FAM210A: variants seen among roughly 807,000 people sequenced by gnomAD.
FAM210A encodes the protein mitochondrial inner membrane scaffold 1, also known as family with sequence similarity 210 member A.
FAM210A carries 13 observed loss-of-function variants against 25.3 expected under a neutral mutation model. That is an observed-to-expected ratio of 0.51 (90% CI 0.33 to 0.82). The LOEUF (loss-of-function observed/expected upper bound fraction) is 0.82. Among genes scored for constraint, FAM210A ranks in the 40% least tolerant of loss-of-function variants. FAM210A has a pLI of 0.02. For synonymous variants in FAM210A, 125 were observed against 118.7 expected (o/e 1.05, Z -0.35); for missense variants, 319 against 323.2 (o/e 0.99, Z 0.10).
At chr18:13,670,554 TG>T (rs199577268) in intron 3 of FAM210A, among the ~76,000 whole-genome samples, 1,951 of 152,328 alleles carry the variant, frequency 0.013, 43 homozygotes, top group African/African-American at 0.044. Flanking sequence ...CTAGTTTCTG[TG>T]TTTTCAACTT....
At chr18:13,714,771 G>C (rs2043847251) in intron 1 of FAM210A, among the ~76,000 whole-genome samples, 1 of 152,090 alleles carries the variant, frequency 6.6e-6, no homozygotes, top group African/African-American at 2.4e-5. Flanking sequence ...CACCATTAAA[G>C]AGCTACAAAA....
chr18:13,683,294 C>T lies in FAM210A; in HGVS notation c.-28-1189G>A, dbSNP rs73414570. 2.6e-5 allele frequency among the ~76,000 whole-genome samples: 4 copies of T among 152,006 alleles called. No homozygotes were observed. In the East Asian group the frequency reaches 5.8e-4, roughly 22 times the overall value. On this transcript the variant is annotated intron_variant, in intron 1 of 3. Coordinates refer to ENST00000651643, the MANE Select transcript of FAM210A (RefSeq NM_152352.4). ...ATAAATCACTTACGTTATTGAATGG[C>T]GAGAAGAATTGCCTGGTATTTATTT...
At chr18:13,690,087 A>G (rs1236936916) in intron 1 of FAM210A, among the ~76,000 whole-genome samples, 1 of 152,226 alleles carries the variant, frequency 6.6e-6, no homozygotes, top group Non-Finnish European at 1.5e-5. Context: ...CGGCCTTAGC[A>G]AACAGCACAC....
chr18:13,692,543 T>C (rs1168183156), intron 1 of FAM210A, among the ~76,000 whole-genome samples: 4 of 151,474 alleles, frequency 2.6e-5, no homozygotes, highest in Non-Finnish European at 5.9e-5. Flanking sequence ...ACAGAAATTA[T>C]AACAAACTGT....
At chr18:13,708,412 G>A (rs2043796750) in intron 1 of FAM210A, among the ~76,000 whole-genome samples, 1 of 152,180 alleles carries the variant, frequency 6.6e-6, no homozygotes, top group African/African-American at 2.4e-5. Flanking sequence ...TCCAGCCCTA[G>A]CCTTTCCTGG....
intron 1 of FAM210A, among the ~76,000 whole-genome samples, chr18:13,705,545 C>T (rs2043771638): frequency 6.6e-6 from 1 of 152,128 alleles, no homozygotes; most frequent in Non-Finnish European, 1.5e-5. Flanking sequence ...GATCTCGGCC[C>T]ACTGCAACCT....
chr18:13,716,728 C>A (rs1401048525), intron 1 of FAM210A, among the ~76,000 whole-genome samples: 1 of 152,116 alleles, frequency 6.6e-6, no homozygotes, highest in Non-Finnish European at 1.5e-5. Flanking sequence ...ATGGTACTCT[C>A]CCCTGTGCCC....
intron 1 of FAM210A, among the ~76,000 whole-genome samples, chr18:13,714,542 T>C (rs1326424237): frequency 6.6e-6 from 1 of 152,202 alleles, no homozygotes; most frequent in Non-Finnish European, 1.5e-5. Flanking sequence ...CAGGTTAATA[T>C]ACAGCAAGAT....
intron 3 of FAM210A, among the ~76,000 whole-genome samples, chr18:13,669,692 C>T (rs2043427170): frequency 6.6e-6 from 1 of 152,220 alleles, no homozygotes; most frequent in Non-Finnish European, 1.5e-5. Flanking sequence ...ACTCACTACA[C>T]TATCAGCCCT....
At chr18:13,687,279 G>A (rs924786481) in intron 1 of FAM210A, among the ~76,000 whole-genome samples, 15 of 152,140 alleles carry the variant, frequency 9.9e-5, no homozygotes, top group African/African-American at 3.6e-4. Flanking sequence ...GGGGGCAGGA[G>A]AGGGCTCTTT....
At chr18:13,672,181 T>C (rs1252196457) in intron 2 of FAM210A, among the ~76,000 whole-genome samples, 1 of 152,176 alleles carries the variant, frequency 6.6e-6, no homozygotes, top group Non-Finnish European at 1.5e-5. Flanking sequence ...CATCACACGG[T>C]ATCTTATCGC....
At chr18:13,706,364 G>A (rs1387790079) in intron 1 of FAM210A, among the ~76,000 whole-genome samples, 2 of 149,414 alleles carry the variant, frequency 1.3e-5, no homozygotes, top group South Asian at 2.1e-4. Context: ...GGGGGGGGTC[G>A]TCTGTTGTGT....
At chr18:13,706,106 C>T (rs148800931) in intron 1 of FAM210A, among the ~76,000 whole-genome samples, 127 of 152,308 alleles carry the variant, frequency 8.3e-4, no homozygotes, top group African/African-American at 2.8e-3. Flanking sequence ...AGCAAAACTT[C>T]AGGACCTTGT....
chr18:13,723,968 A>G (rs927829781), intron 1 of FAM210A, among the ~76,000 whole-genome samples: 1 of 152,246 alleles, frequency 6.6e-6, no homozygotes, highest in African/African-American at 2.4e-5. Context: ...CTATCTTAGG[A>G]AACTATAACA....
chr18:13,694,506 T>C (rs2043676026), intron 1 of FAM210A, among the ~76,000 whole-genome samples: 1 of 152,186 alleles, frequency 6.6e-6, no homozygotes, highest in South Asian at 2.1e-4. Flanking sequence ...ATGGTACTGG[T>C]ACCAAAACAG....
chr18:13,700,094 A>G (rs2043726940), intron 1 of FAM210A, among the ~76,000 whole-genome samples: 1 of 152,212 alleles, frequency 6.6e-6, no homozygotes, highest in South Asian at 2.1e-4. Context: ...TATTTGAGTT[A>G]AGAGTCAGAA....
At chr18:13,689,982 T>C (rs1786550) in intron 1 of FAM210A, among the ~76,000 whole-genome samples, 135,613 of 152,272 alleles carry the variant, frequency 0.89, 60,493 homozygotes, top group East Asian at 0.95. Context: ...GGAAGTGCAA[T>C]GGGTCAGGGA....
At chr18:13,691,355 T>G (rs1432577249) in intron 1 of FAM210A, among the ~76,000 whole-genome samples, 1 of 152,040 alleles carries the variant, frequency 6.6e-6, no homozygotes, top group African/African-American at 2.4e-5. Context: ...GAGGAGAACT[T>G]CCCCAGCCTA....
At chr18:13,671,191 C>T (rs573066393) in intron 3 of FAM210A, among the ~76,000 whole-genome samples, 16 of 151,272 alleles carry the variant, frequency 1.1e-4, no homozygotes, top group African/African-American at 3.7e-4. Context: ...GCTTTGGAGG[C>T]CCCCCCCTTC....
Sources: gnomAD v4.1 joint callset for allele counts (sites outside exome capture counted in the v4.1 genomes callset) on GRCh38, gnomAD v4.1.1 for gene constraint, MANE v1.5 for transcripts, NCBI Gene and HGNC (gene_info 2026-07-23, HGNC 2026-07-21) for gene names.